The following RYR1 variants were observed in gnomAD, a reference collection of about 807,000 sequenced individuals.
RYR1 encodes ryanodine receptor 1.
RYR1 carries 342 observed loss-of-function variants against 583.5 expected under a neutral mutation model. That is an observed-to-expected ratio of 0.59 (90% CI 0.54 to 0.64). The LOEUF (loss-of-function observed/expected upper bound fraction) is 0.64. Ranked by LOEUF, RYR1 falls within the 30% of genes least tolerant of loss-of-function variation. RYR1 has a pLI of 0.00. For missense variants in RYR1, 6,032 were observed against 6,917.2 expected (o/e 0.87, Z 4.54); for synonymous variants, 2,791 against 2,822.5 (o/e 0.99, Z 0.35).
chr19:38,474,274 C>CT (rs565024935), intron 28 of RYR1, among the ~76,000 whole-genome samples: 6,166 of 147,266 alleles, frequency 0.042, 172 homozygotes, highest in Middle Eastern at 0.045. Flanking sequence ...TTCTTTCTAT[C>CT]TTTTTTTTTT....
intron 89 of RYR1, among the ~76,000 whole-genome samples, chr19:38,555,470 T>TGTGTGTGTGCGCAC (rs1972840607): frequency 6.8e-6 from 1 of 147,714 alleles, no homozygotes; most frequent in African/African-American, 2.5e-5. Flanking sequence ...AAAAAATGCA[T>TGTGTGTGTGCGCAC]GTGTGTGTGC....
In RYR1 at chr19:38,433,756, A is replaced by G; in HGVS notation, c.-74A>G. Reference sequence around the variant, plus strand: ...AGGTCTCCGACCCCAGCCCGCCCCCAGCCCTCCCGCCCAGCCCGCAGCCCC... The same window carrying G: ...AGGTCTCCGACCCCAGCCCGCCCCCGGCCCTCCCGCCCAGCCCGCAGCCCC... On this transcript the variant is annotated 5_prime_UTR_variant, in exon 1 of 106. Coordinates refer to ENST00000359596, the MANE Select transcript of RYR1 (RefSeq NM_000540.3). 9 of 129,066 alleles carry G rather than the reference A, an allele frequency of 7.0e-5. No individual in the cohort carries two copies. The highest frequency in any genetic ancestry group is 4.4e-4 in the South Asian group (6 of 13,768). 8.0% of individuals were successfully genotyped at this position (129,066 alleles called of 1,614,324 possible). A position where few individuals can be genotyped will look rare whatever the true frequency, so the allele number is the denominator to read the frequency against.
rs376860252 is a variant in RYR1 at position 38,468,916 on chromosome 19, A to T, written c.3382-50A>T. ...TCCCTCCCTGCTTCCTTATCTCTCC[A>T]TTTCTCTGTGTGTCTCCCCACACCA... On this transcript the variant is annotated intron_variant, in intron 25 of 105. Coordinates refer to ENST00000359596, the MANE Select transcript of RYR1 (RefSeq NM_000540.3). 3.8e-6 allele frequency: 6 copies of T among 1,595,130 alleles called. No individual in the cohort carries two copies. The African/African-American group carries it at 8.1e-5, about 21-fold the overall frequency.
chr19:38,577,069 A>G (rs746823549), intron 97 of RYR1, among the ~76,000 whole-genome samples: 1 of 151,968 alleles, frequency 6.6e-6, no homozygotes, highest in Non-Finnish European at 1.5e-5. Flanking sequence ...TATTTTTAGT[A>G]GAGACGGGGT....
At chr19:38,484,526 T>C (rs764572559) in intron 33 of RYR1, among the ~76,000 whole-genome samples, 11 of 151,224 alleles carry the variant, frequency 7.3e-5, no homozygotes, top group Non-Finnish European at 1.5e-5. Flanking sequence ...TCCTATGTGC[T>C]AGGTAGTATT....
At chr19:38,474,726 C>T (rs1411349459) in intron 28 of RYR1, among the ~76,000 whole-genome samples, 2 of 151,336 alleles carry the variant, frequency 1.3e-5, no homozygotes, top group Non-Finnish European at 2.9e-5. Flanking sequence ...AGGTGTGTGC[C>T]ACCACACCCG....
chr19:38,459,179 A>T lies in RYR1; in HGVS notation c.2201A>T (p.Gln734Leu). Residue 734 changes from glutamine to leucine, a missense_variant, in exon 19 of 106, where the codon CAG (glutamine) becomes CTG (leucine). Around this residue, in one of 11 missense-constraint regions of RYR1, gnomAD observed 2,627 missense variants for 2,961.3 expected, o/e 0.89. Transcript: ENST00000359596. ...GCACGCCCAGTGACTTCCCCAGGGC[A>T]GCACCTCCTGGCCCCTGAAGACGTG... ...HVARPVTSPG[Q>L]HLLAPEDVIS... 6.2e-7 allele frequency: 1 copy of T among 1,613,996 alleles called. No individual in the cohort carries two copies.
chr19:38,498,152 C>T (rs1285071025), intron 42 of RYR1, among the ~76,000 whole-genome samples: 1 of 152,148 alleles, frequency 6.6e-6, no homozygotes, highest in Non-Finnish European at 1.5e-5. Context: ...AGAAAGACAG[C>T]TGTGGCTGGA....
chr19:38,454,063 GTCTC>G (rs913789283), intron 13 of RYR1, among the ~76,000 whole-genome samples: 3 of 152,260 alleles, frequency 2.0e-5, no homozygotes, highest in Admixed American at 6.5e-5. Context: ...TTGAAACAGA[GTCTC>G]TCTCTGTCAC....
chr19:38,478,667 ATG>A, intron 31 of RYR1, 67 bp downstream of exon 31: 1 of 1,556,816 alleles, frequency 6.4e-7, no homozygotes, highest in Non-Finnish European at 8.8e-7. Flanking sequence ...GCTCTTATAG[ATG>A]TCCCCTGAGG....
chr19:38,525,415 A>T lies in RYR1; in HGVS notation c.10539A>T (p.Thr3513=). 1 of 1,613,998 alleles carries T rather than the reference A, an allele frequency of 6.2e-7. No individual in the cohort carries two copies. Among genetic ancestry groups the T allele is most frequent in the East Asian group, 2.2e-5 (1 of 44,870 alleles). ...TGCAGACGTCACTGATCGTGGCCAC[A>T]CTGAAGAAGATGCTGCCCATCGGCC... ...YSVQTSLIVA[T]LKKMLPIGLN... Residue 3513 remains threonine (T), a synonymous_variant, in exon 71 of 106, where the codon ACA becomes ACT. Coordinates refer to ENST00000359596, the MANE Select transcript of RYR1 (RefSeq NM_000540.3).
chr19:38,580,073 T>C lies in RYR1; in HGVS notation c.14456T>C (p.Met4819Thr). 6.2e-7 allele frequency: 1 copy of C among 1,614,102 alleles called. No homozygotes were observed. Among genetic ancestry groups the C allele is most frequent in the Non-Finnish European group, 8.5e-7 (1 of 1,180,012 alleles). The change falls in exon 100 of 106, where the codon ATG becomes ACG. Residue 4819 changes from methionine (M) to threonine (T), a missense_variant. Transcript: ENST00000359596. ...GCTGCCCATCTCCTGGACATCGCCA[T>C]GGGGGTCAAGACGCTGCGCACCATC... ...FFAAHLLDIA[M>T]GVKTLRTILS...
Position 38,517,376 on chromosome 19 carries a change from A to C in RYR1, c.9703A>C (p.Ser3235Arg), listed in dbSNP as rs747488155. ...RERAILGLPNSVEEMCPDIPV... is the reference protein window; with the variant it reads ...RERAILGLPNRVEEMCPDIPV... ...TACCCCAGTCCTGGGGCTCCCCAAC[A>C]GTGTGGAGGAGATGTGTCCCGACAT... is the stretch of plus-strand genomic sequence containing the variant. Residue 3235 changes from serine to arginine, a missense_variant, in exon 66 of 106, where the codon AGT becomes CGT. By Grantham distance (110) the Ser-to-Arg change is moderately radical (BLOSUM62 -1). This residue lies in a region of RYR1 where 1,493 missense variants were observed against 1,715.5 expected (regional missense o/e 0.87). Coordinates refer to ENST00000359596, the MANE Select transcript of RYR1 (RefSeq NM_000540.3). 11 of 1,613,592 alleles carry C rather than the reference A, an allele frequency of 6.8e-6. No homozygotes were observed. The highest frequency in any genetic ancestry group is 2.2e-5 in the South Asian group (2 of 91,064).
intron 90 of RYR1, among the ~76,000 whole-genome samples, chr19:38,564,019 T>A (rs533782549): frequency 3.4e-4 from 52 of 152,320 alleles, no homozygotes; most frequent in African/African-American, 1.3e-3. Context: ...ATTGAAGCAT[T>A]TACAGGAGTA....
chr19:38,579,708 G>C (rs1435369325), intron 99 of RYR1, among the ~76,000 whole-genome samples: 1 of 152,040 alleles, frequency 6.6e-6, no homozygotes, highest in African/African-American at 2.4e-5. Flanking sequence ...CAAAGCACTG[G>C]GGATACAGGC....
At chr19:38,436,690 C>A (rs570836212) in intron 1 of RYR1, among the ~76,000 whole-genome samples, 1 of 152,278 alleles carries the variant, frequency 6.6e-6, no homozygotes, top group Non-Finnish European at 1.5e-5. Context: ...AACACAGGGC[C>A]TGTGACCATT....
At position 38,478,603 on chromosome 19, in the gene RYR1, G is replaced by A. The variant is rs1968862275; in HGVS notation, c.4620+3G>A. 1 of 1,609,724 alleles carries A rather than the reference G, an allele frequency of 6.2e-7. No individual in the cohort carries two copies. Among genetic ancestry groups the A allele is most frequent in the Non-Finnish European group, 8.5e-7 (1 of 1,179,976 alleles). On this transcript the variant is annotated splice_donor_region_variant and intron_variant, in intron 31 of 105. Transcript: ENST00000359596. ...AAGAGAGCAACACCTTTTTCCAGGT[G>A]AGTCCAGGCCACAGCAATTTAGCGA... is the stretch of plus-strand genomic sequence containing the variant.
At chr19:38,586,680 A>AGGGCTGG in intron 105 of RYR1, 104 bp downstream of exon 105, 1 of 1,170,408 alleles carries the variant, frequency 8.5e-7, no homozygotes, top group Non-Finnish European at 1.3e-6. Flanking sequence ...ATCAAGGGTT[A>AGGGCTGG]GGGCTGGGGG....
chr19:38,574,098 T>C (rs1404142003), intron 96 of RYR1, among the ~76,000 whole-genome samples: 1 of 151,630 alleles, frequency 6.6e-6, no homozygotes, highest in Non-Finnish European at 1.5e-5. Context: ...AATTAGTCTC[T>C]ACTAAAAATA....
Sources: allele counts gnomAD v4.1 joint callset (sites outside exome capture counted in the v4.1 genomes callset), GRCh38; gene constraint gnomAD v4.1.1; regional missense constraint gnomAD v4.1.1; transcripts MANE v1.5; gene names NCBI Gene and HGNC (gene_info 2026-07-23, HGNC 2026-07-21).